The following DNAH11 variants were observed in gnomAD, a reference collection of about 807,000 sequenced individuals.
DNAH11 encodes axonemal beta dynein heavy chain 11.
DNAH11 carries 442 observed loss-of-function variants against 526.0 expected under a neutral mutation model. The observed-to-expected ratio is 0.84, with a 90% CI of 0.78 to 0.91. The LOEUF is 0.91. Among genes scored for constraint, DNAH11 ranks in the 40% least tolerant of loss-of-function variants. The pLI, the probability that DNAH11 is intolerant of heterozygous loss-of-function variation, is 0.00. For synonymous variants in DNAH11, 2,461 were observed against 1,935.9 expected (o/e 1.27, Z -7.12); for missense variants, 6,989 against 5,448.7 (o/e 1.28, Z -8.90).
chr7:21,787,373 C>T (rs755706215), intron 59 of DNAH11, 28 bp from the exon 60 acceptor site: 2 of 1,582,760 alleles, frequency 1.3e-6, no homozygotes, highest in Non-Finnish European at 1.7e-6. Flanking sequence ...AAAATGGGTT[C>T]ATTGCAATAA....
chr7:21,855,589 A>T (rs1359567860), intron 68 of DNAH11, among the ~76,000 whole-genome samples: 1 of 152,204 alleles, frequency 6.6e-6, no homozygotes, highest in Non-Finnish European at 1.5e-5. Context: ...TTGCCCAAGA[A>T]TTTACATTTG....
At chr7:21,681,793 G>A in intron 31 of DNAH11, 116 bp downstream of exon 31, 1 of 1,291,896 alleles carries the variant, frequency 7.7e-7, no homozygotes, top group Non-Finnish European at 1.1e-6. Flanking sequence ...GTTTTAATTA[G>A]TCCTGAAAAG....
At chr7:21,708,183 T>C (rs932038480) in intron 40 of DNAH11, among the ~76,000 whole-genome samples, 4 of 152,124 alleles carry the variant, frequency 2.6e-5, no homozygotes, top group African/African-American at 9.7e-5. Flanking sequence ...TTATTCCAGG[T>C]GCCAGGGACA....
At chr7:21,631,201 A>G (rs752692610) in intron 25 of DNAH11, among the ~76,000 whole-genome samples, 7 of 152,154 alleles carry the variant, frequency 4.6e-5, no homozygotes, top group Non-Finnish European at 1.0e-4. Context: ...CGAGAACAGC[A>G]TGGGAAGGAC....
chr7:21,681,907 C>T (rs1174787583), intron 31 of DNAH11, among the ~76,000 whole-genome samples: 3 of 152,122 alleles, frequency 2.0e-5, no homozygotes, highest in Non-Finnish European at 4.4e-5. Context: ...TTAGGAACAT[C>T]AGATCATCAA....
chr7:21,788,223 T>G (rs1788278113), intron 60 of DNAH11, among the ~76,000 whole-genome samples: 1 of 152,204 alleles, frequency 6.6e-6, no homozygotes, highest in South Asian at 2.1e-4. Context: ...CTCTCATTTT[T>G]GTCTTAGAGG....
intron 54 of DNAH11, among the ~76,000 whole-genome samples, chr7:21,760,747 G>T (rs1201790769): frequency 6.6e-6 from 1 of 152,176 alleles, no homozygotes; most frequent in Non-Finnish European, 1.5e-5. Flanking sequence ...GCTTCTGGTA[G>T]CTGGATCTGC....
rs1037661195 is a variant in DNAH11 at position 21,807,830 on chromosome 7, G to A, written c.10166-53G>A. Reference sequence around the variant, plus strand: ...TAAGGTAATTGCATTAAGCATTTGTGGAGTTGACATTCAGCCTGCAATTAC... The same window carrying A: ...TAAGGTAATTGCATTAAGCATTTGTAGAGTTGACATTCAGCCTGCAATTAC... On this transcript the variant is annotated intron_variant, in intron 62 of 81. Coordinates refer to ENST00000409508, the MANE Select transcript of DNAH11 (RefSeq NM_001277115.2). 12 of 1,531,022 alleles carry A rather than the reference G, an allele frequency of 7.8e-6. No homozygotes were observed. The African/African-American group carries it at 1.4e-4, about 17-fold the overall frequency. The allele number at this position is 1,531,022 out of a possible 1,614,324, so 94.8% of individuals were successfully genotyped here.
intron 6 of DNAH11, among the ~76,000 whole-genome samples, chr7:21,567,500 C>A (rs954255942): frequency 1.3e-5 from 2 of 152,158 alleles, no homozygotes; most frequent in Non-Finnish European, 2.9e-5. Flanking sequence ...TTGGATAGAT[C>A]TCATTTAAAT....
chr7:21,885,013 G>A lies in DNAH11; in HGVS notation c.12507+603G>A, dbSNP rs76902559. ...GATTTAACCATTCCACGATGTACAC[G>A]TGTATCAAAACATCACACTGTGCCC... On this transcript the variant is annotated intron_variant, in intron 76 of 81. Transcript: ENST00000409508. 4.7e-3 allele frequency among the ~76,000 whole-genome samples: 718 copies of A among 151,598 alleles called. 5 individuals carry two copies. Among genetic ancestry groups the A allele is most frequent in the African/African-American group, 0.016 (676 of 41,356 alleles).
intron 28 of DNAH11, among the ~76,000 whole-genome samples, chr7:21,653,378 C>G (rs561139740): frequency 6.6e-6 from 1 of 152,174 alleles, no homozygotes; most frequent in South Asian, 2.1e-4. Flanking sequence ...AAACATCTAA[C>G]GTCAACTATG....
rs1265787683 is a variant in DNAH11 at position 21,748,593 on chromosome 7, C to G, written c.8524C>G (p.Arg2842Gly). ...DAMQHVCRIS[R>G]ILRTPQGCAL... ...TCCTTTCCTCAGGTGTCGCATCAGC[C>G]GGATCTTACGAACCCCTCAGGGCTG... Residue 2842 changes from arginine (R) to glycine (G), a missense_variant, in exon 52 of 82, where the codon CGG becomes GGG. Physicochemically the swap from Arg to Gly is moderately radical, Grantham distance 125 (BLOSUM62 -2). Coordinates refer to ENST00000409508, the MANE Select transcript of DNAH11 (RefSeq NM_001277115.2). The G allele has an allele frequency of 6.5e-7, 1 of 1,544,742 alleles. No individual in the cohort carries two copies. Among genetic ancestry groups the G allele is most frequent in the Non-Finnish European group, 8.8e-7 (1 of 1,142,212 alleles).
chr7:21,651,207 G>A (rs1781751133), intron 28 of DNAH11, among the ~76,000 whole-genome samples: 1 of 152,082 alleles, frequency 6.6e-6, no homozygotes, highest in Non-Finnish European at 1.5e-5. Flanking sequence ...AGTGGCACTA[G>A]GCTTTGTGTA....
chr7:21,773,677 G>C (rs1554279542), intron 55 of DNAH11, 89 bp from the exon 56 acceptor site: 1 of 987,056 alleles, frequency 1.0e-6, no homozygotes, highest in East Asian at 2.8e-5. Flanking sequence ...CTGACTTTTA[G>C]AAAAAAAATG....
rs200917573 is a variant in DNAH11, at chr7:21,619,090, C to T, written c.4255-10C>T. 1 of 1,612,360 alleles carries T rather than the reference C, an allele frequency of 6.2e-7. No homozygotes were observed. ...GGAATATAAAGTCTAACTTTTTTTCCCCCAATCAGGTCAAGTTTTTAATAA... is the reference window on the plus strand; with the variant it reads ...GGAATATAAAGTCTAACTTTTTTTCTCCCAATCAGGTCAAGTTTTTAATAA... On this transcript the variant is annotated splice_polypyrimidine_tract_variant and intron_variant, in intron 23 of 81. Transcript: ENST00000409508.
intron 28 of DNAH11, among the ~76,000 whole-genome samples, chr7:21,652,407 A>T (rs537237952): frequency 3.9e-5 from 6 of 152,256 alleles, no homozygotes; most frequent in Admixed American, 3.9e-4. Flanking sequence ...GAGTTTGTCA[A>T]GGCAGAGAAA....
intron 65 of DNAH11, among the ~76,000 whole-genome samples, chr7:21,839,110 C>G (rs1782106468): frequency 6.6e-6 from 1 of 152,076 alleles, no homozygotes; most frequent in Non-Finnish European, 1.5e-5. Context: ...AGCATCTTTT[C>G]ATATGCTTAT....
chr7:21,836,079 C>A (rs1781985560), intron 65 of DNAH11, among the ~76,000 whole-genome samples: 1 of 151,936 alleles, frequency 6.6e-6, no homozygotes, highest in Non-Finnish European at 1.5e-5. Flanking sequence ...AACTACAAAA[C>A]ATTGATGAAA....
chr7:21,808,273 C>G (rs1286393400), intron 63 of DNAH11, among the ~76,000 whole-genome samples: 1 of 152,018 alleles, frequency 6.6e-6, no homozygotes, highest in African/African-American at 2.4e-5. Flanking sequence ...CTATAATACT[C>G]ATATATATTT....
Sources: gnomAD v4.1 joint callset for allele counts (sites outside exome capture counted in the v4.1 genomes callset) on GRCh38, gnomAD v4.1.1 for gene constraint, MANE v1.5 for transcripts, NCBI Gene and HGNC (gene_info 2026-07-23, HGNC 2026-07-21) for gene names.